Variants in CYP2W1 observed in about 807,000 individuals in gnomAD.
The protein encoded by CYP2W1 is cytochrome P450 2W1.
In CYP2W1, 51 loss-of-function variants were observed where a neutral mutation model predicts 44.9. The observed-to-expected ratio is 1.14, with a 90% confidence interval of 0.91 to 1.43. CYP2W1 has a LOEUF of 1.43. Among genes scored for constraint, CYP2W1 ranks in the 40% most tolerant of loss-of-function variants. The probability of loss-of-function intolerance (pLI) is 0.00; values close to 1 mark genes in which losing one functional copy is unlikely to be tolerated. For synonymous variants in CYP2W1, 383 were observed against 338.3 expected, an observed-to-expected ratio of 1.13 and a Z score of -1.45; for missense variants, 746 against 700.0, an observed-to-expected ratio of 1.07 and a Z score of -0.74.
intron 8 of CYP2W1, 57 bp downstream of exon 8, chr7:988,475 C>T (rs1158861488): frequency 1.1e-5 from 17 of 1,605,548 alleles, no homozygotes; most frequent in African/African-American, 9.4e-5. Flanking sequence ...AGGGGTGGGA[C>T]GGCCCCAGCT....
At chr7:983,511 G>C in intron 1 of CYP2W1, 126 bp downstream of exon 1, 2 of 984,366 alleles carry the variant, frequency 2.0e-6, no homozygotes, top group Non-Finnish European at 2.7e-6. Context: ...AGCGGGGCAC[G>C]CAGGAGGCCG....
rs1848155366 is a variant in CYP2W1 at position 984,353 on chromosome 7, G to A, written c.175-59G>A. Reference sequence around the variant, plus strand: ...ACCCAGCACAGGCCCGGCCTGAGGGGACCTAAGGGGGGTCTTGTGGGTGAG... The same window carrying A: ...ACCCAGCACAGGCCCGGCCTGAGGGAACCTAAGGGGGGTCTTGTGGGTGAG... On this transcript the variant is annotated intron_variant, in intron 1 of 8. Transcript: ENST00000308919. The A allele has an allele frequency of 7.5e-6, 11 of 1,467,920 alleles. No individual in the cohort carries two copies. In the Admixed American group the frequency reaches 1.8e-4, roughly 24 times the overall value. 90.9% of individuals were successfully genotyped at this position (1,467,920 alleles called of 1,614,324 possible).
chr7:986,621 C>T lies in CYP2W1; in HGVS notation c.646-3C>T. 1 of 1,612,632 alleles carries T rather than the reference C, an allele frequency of 6.2e-7. No individual in the cohort carries two copies. The highest frequency in any genetic ancestry group is 8.5e-7 in the Non-Finnish European group (1 of 1,179,846). ...ATCTCCGCTCCTCCTGCCTCCTGCC[C>T]AGCTGTTCAACGTCTACCCATGGCT... On this transcript the variant is annotated splice_polypyrimidine_tract_variant and splice_region_variant and intron_variant, in intron 4 of 8. Transcript: ENST00000308919.
chr7:986,586 C>T (rs116864709), intron 4 of CYP2W1, 38 bp from the exon 5 acceptor site: 3 of 1,608,148 alleles, frequency 1.9e-6, no homozygotes, highest in Non-Finnish European at 2.5e-6. Flanking sequence ...AGCCCTGGGG[C>T]TGCGTCCTTA....
chr7:984,856 C>A (rs1848203458), intron 2 of CYP2W1, 94 bp from the exon 3 acceptor site: 1 of 1,471,726 alleles, frequency 6.8e-7, no homozygotes, highest in South Asian at 1.3e-5. Context: ...GCCAGTCTCG[C>A]TGCCCTGTCA....
chr7:987,623 G>A (rs989974520), intron 7 of CYP2W1, 92 bp downstream of exon 7: 3 of 1,250,646 alleles, frequency 2.4e-6, no homozygotes, highest in African/African-American at 3.1e-5. Flanking sequence ...CGTCTGGTGG[G>A]TGCCTGATGG....
In CYP2W1 at chr7:986,716, C is replaced by T; in HGVS notation, c.738C>T (p.Thr246=). The change falls in exon 5 of 9, where the codon ACC becomes ACT. Residue 246 remains threonine, a synonymous_variant. Coordinates refer to ENST00000308919, the MANE Select transcript of CYP2W1 (RefSeq NM_017781.3). ...AGGAGGTCCGTGCCATTCTGAGGACCCTCCTGGAGGCGCGGAGGCCCCACG... is the reference window on the plus strand; with the variant it reads ...AGGAGGTCCGTGCCATTCTGAGGACTCTCCTGGAGGCGCGGAGGCCCCACG... ...KIEEVRAILR[T]LLEARRPHVC... The T allele has an allele frequency of 6.2e-7, 1 of 1,611,954 alleles. No individual in the cohort carries two copies. Among genetic ancestry groups the T allele is most frequent in the Non-Finnish European group, 8.5e-7 (1 of 1,179,512 alleles).
Position 987,136 on chromosome 7 carries a change from G to A in CYP2W1, c.849G>A (p.Glu283=). ...ATGACCCCGAGGGCCTGTTTGCTGA[G>A]GCCAACGCGGTGGCCTGCACCCTGG... is the stretch of plus-strand genomic sequence containing the variant. The part of the protein sequence containing the change: ...QGDDPEGLFA[E]ANAVACTLDM... The change falls in exon 6 of 9, where the codon GAG becomes GAA. Residue 283 remains glutamate (E), a synonymous_variant. Transcript: ENST00000308919. The A allele has an allele frequency of 1.3e-6, 2 of 1,571,442 alleles. No individual in the cohort carries two copies. Among genetic ancestry groups the A allele is most frequent in the Non-Finnish European group, 1.7e-6 (2 of 1,157,634 alleles).
chr7:983,943 G>C (rs113974739), intron 1 of CYP2W1, among the ~76,000 whole-genome samples: 1 of 152,208 alleles, frequency 6.6e-6, no homozygotes, highest in African/African-American at 2.4e-5. Context: ...GTGGGACAGG[G>C]CTGACCAGTC....
chr7:984,909 G>A (rs1238072286), intron 2 of CYP2W1, 41 bp from the exon 3 acceptor site: 9 of 1,541,402 alleles, frequency 5.8e-6, no homozygotes, highest in Non-Finnish European at 7.8e-6. Context: ...GGCTGGCTGG[G>A]GTGGGAACCT....
rs1848640808 is a variant in CYP2W1, at chr7:989,261, G to C, written c.*439G>C. 1 of 187,478 alleles carries C rather than the reference G, an allele frequency of 5.3e-6. No homozygotes were observed. The highest frequency in any genetic ancestry group is 2.3e-5 in the African/African-American group (1 of 42,788). The allele number at this position is 187,478 out of a possible 1,614,324, so 11.6% of individuals were successfully genotyped here. ...CCCCCCAGGTCCTGGGACTCCTGCA[G>C]ACCCCACTCCATTCCCGCTCCTGGA... is the stretch of plus-strand genomic sequence containing the variant. On this transcript the variant is annotated 3_prime_UTR_variant, in exon 9 of 9. Transcript: ENST00000308919.
At chr7:986,980 G>A in intron 5 of CYP2W1, 127 bp from the exon 6 acceptor site, 1 of 1,359,380 alleles carries the variant, frequency 7.4e-7, no homozygotes, top group African/African-American at 1.5e-5. Context: ...CCTGCCTCGG[G>A]GACGCTGAGG....
intron 5 of CYP2W1, 150 bp from the exon 6 acceptor site, chr7:986,957 G>T: frequency 7.6e-7 from 1 of 1,314,172 alleles, no homozygotes; most frequent in Non-Finnish European, 1.0e-6. Context: ...TGTGAAACGG[G>T]GCATCCATAG....
chr7:984,474 G>A lies in CYP2W1; in HGVS notation c.237G>A (p.Leu79=), dbSNP rs1482610047. 1.2e-5 allele frequency: 19 copies of A among 1,551,454 alleles called. No individual in the cohort carries two copies. The highest frequency in any genetic ancestry group is 5.5e-5 in the African/African-American group (4 of 73,226). ...TGGGGCGCCAGAAGACGGTGGTGCT[G>A]ACGGGGTTCGAGGCGGTCAAAGAGG... ...VHLGRQKTVV[L]TGFEAVKEAL... is the part of the protein sequence containing the mutation. The change falls in exon 2 of 9, where the codon CTG becomes CTA. Residue 79 remains leucine, a synonymous_variant. Transcript: ENST00000308919.
At chr7:986,484 C>G in intron 4 of CYP2W1, 140 bp from the exon 5 acceptor site, 2 of 948,026 alleles carry the variant, frequency 2.1e-6, no homozygotes, top group Non-Finnish European at 3.2e-6. Flanking sequence ...GGCTAAGGGT[C>G]CCCCCGTTCT....
chr7:985,601 C>T (rs1261651633), intron 4 of CYP2W1, among the ~76,000 whole-genome samples: 4 of 152,138 alleles, frequency 2.6e-5, no homozygotes, highest in African/African-American at 9.7e-5. Context: ...AGGTGGGAGG[C>T]AGGCATGGCT....
At position 988,371 on chromosome 7, in the gene CYP2W1, C is replaced by G; in HGVS notation, c.1238C>G (p.Ala413Gly). 2 of 1,612,700 alleles carry G rather than the reference C, an allele frequency of 1.2e-6. No homozygotes were observed. The highest frequency in any genetic ancestry group is 1.1e-5 in the South Asian group (1 of 91,086). The part of the protein sequence containing the change: ...GQFNPGHFLD[A>G]NGHFVKREAF... ...TTCAACCCCGGCCATTTCCTGGACG[C>G]GAATGGGCACTTTGTGAAGCGGGAG... The change falls in exon 8 of 9, where the codon GCG (alanine) becomes GGG (glycine). Residue 413 changes from alanine to glycine, a missense_variant. Coordinates refer to ENST00000308919, the MANE Select transcript of CYP2W1 (RefSeq NM_017781.3).
Position 983,208 on chromosome 7 carries a change from C to T in CYP2W1, c.-4C>T. 3.3e-6 allele frequency: 5 copies of T among 1,497,754 alleles called. No individual in the cohort carries two copies. The highest frequency in any genetic ancestry group is 4.5e-6 in the Non-Finnish European group (5 of 1,116,034). The allele number at this position is 1,497,754 out of a possible 1,614,324, so 92.8% of individuals were successfully genotyped here. Reference sequence around the variant, plus strand: ...GGGAGTGGAGCCTCACCAGCCACGTCCTCATGGCCCTGCTGCTCTTGCTGT... The same window carrying T: ...GGGAGTGGAGCCTCACCAGCCACGTTCTCATGGCCCTGCTGCTCTTGCTGT... On this transcript the variant is annotated 5_prime_UTR_variant, in exon 1 of 9. Coordinates refer to ENST00000308919, the MANE Select transcript of CYP2W1 (RefSeq NM_017781.3).
chr7:986,564 T>G (rs1848361984), intron 4 of CYP2W1, 60 bp from the exon 5 acceptor site: 2 of 1,586,822 alleles, frequency 1.3e-6, no homozygotes. Context: ...GATCACCGCC[T>G]GCCCAGCGTG....
Sources: gnomAD v4.1 joint callset for allele counts (sites outside exome capture counted in the v4.1 genomes callset) on GRCh38, gnomAD v4.1.1 for gene constraint, MANE v1.5 for transcripts, NCBI Gene and HGNC (gene_info 2026-07-23, HGNC 2026-07-21) for gene names.